The following LGSN variants were observed in gnomAD, a reference collection of about 807,000 sequenced individuals.
LGSN encodes the protein lengsin.
Under a neutral mutation model 19.5 loss-of-function variants are expected in LGSN, and 21 were observed. The ratio of observed to expected loss-of-function variants is 1.07; its 90% CI spans 0.76 to 1.55. The LOEUF is 1.55. Among genes scored for constraint, LGSN ranks in the 40% most tolerant of loss-of-function variants. The probability of loss-of-function intolerance (pLI) is 0.00; values close to 1 mark genes in which losing one functional copy is unlikely to be tolerated. For missense variants in LGSN, 673 were observed against 608.5 expected, an observed-to-expected ratio of 1.11 and a Z score of -1.12; for synonymous variants, 257 against 215.6, an observed-to-expected ratio of 1.19 and a Z score of -1.68.
chr6:63,290,050 T>G (rs1304964656), intron 2 of LGSN, among the ~76,000 whole-genome samples: 1 of 151,172 alleles, frequency 6.6e-6, no homozygotes. Flanking sequence ...GAAAGGGGGC[T>G]TTTCTTTGAA....
chr6:63,445,140 A>G, the LGSN span, among the ~76,000 whole-genome samples: 9 of 152,094 alleles, frequency 5.9e-5, no homozygotes, highest in South Asian at 2.1e-4. Flanking sequence ...GTGAAACTCC[A>G]TCTCTACAAA....
the LGSN span, among the ~76,000 whole-genome samples, chr6:63,393,470 C>T: frequency 2.0e-5 from 3 of 151,986 alleles, no homozygotes; most frequent in African/African-American, 4.8e-5. Context: ...TGAGCCACCG[C>T]GCCTGGCCCA....
At chr6:63,374,984 T>A in the LGSN span, among the ~76,000 whole-genome samples, 1 of 152,208 alleles carries the variant, frequency 6.6e-6, no homozygotes, top group South Asian at 2.1e-4. Context: ...GAAAACCTGA[T>A]CTTGGGAAGA....
the LGSN span, among the ~76,000 whole-genome samples, chr6:63,540,314 T>C: frequency 6.6e-6 from 1 of 152,100 alleles, no homozygotes; most frequent in Non-Finnish European, 1.5e-5. Flanking sequence ...TCCAGATGTG[T>C]ATAGAATCAT....
At chr6:63,334,725 G>A in the LGSN span, among the ~76,000 whole-genome samples, 2 of 152,192 alleles carry the variant, frequency 1.3e-5, no homozygotes, top group East Asian at 3.8e-4. Flanking sequence ...CAAGTGTATA[G>A]TAACCAAAAC....
the LGSN span, among the ~76,000 whole-genome samples, chr6:63,359,440 G>T: frequency 2.0e-5 from 3 of 152,078 alleles, no homozygotes; most frequent in South Asian, 4.1e-4. Flanking sequence ...CTGGTAGAAT[G>T]CATCTGTGAA....
chr6:63,291,324 G>C (rs1276966664), intron 2 of LGSN, among the ~76,000 whole-genome samples: 3 of 152,106 alleles, frequency 2.0e-5, no homozygotes, highest in Non-Finnish European at 4.4e-5. Flanking sequence ...CTCCTTGTCC[G>C]GAGTCCAGGA....
At chr6:63,510,818 C>T in the LGSN span, among the ~76,000 whole-genome samples, 14 of 151,708 alleles carry the variant, frequency 9.2e-5, no homozygotes, top group African/African-American at 3.4e-4. Context: ...GGACAACAGG[C>T]GCATGTCACC....
At chr6:63,491,440 A>ACC in the LGSN span, among the ~76,000 whole-genome samples, 1 of 36,576 alleles carries the variant, frequency 2.7e-5, no homozygotes, top group South Asian at 7.6e-4. Context: ...GCCAAATTCT[A>ACC]AAGGAGATCC....
the LGSN span, among the ~76,000 whole-genome samples, chr6:63,523,108 T>C: frequency 6.6e-6 from 1 of 151,784 alleles, no homozygotes; most frequent in East Asian, 1.9e-4. Flanking sequence ...TCAAGTGACC[T>C]GCCCACCTCA....
chr6:63,308,902 GA>G (rs1768512339), intron 1 of LGSN, among the ~76,000 whole-genome samples: 1 of 152,178 alleles, frequency 6.6e-6, no homozygotes, highest in East Asian at 1.9e-4. Context: ...AATATTTACA[GA>G]AGTGTTATTT....
At chr6:63,281,318 T>A (rs1276679055) in intron 3 of LGSN, 98 bp from the exon 4 acceptor site, 1 of 166,704 alleles carries the variant, frequency 6.0e-6, no homozygotes, top group African/African-American at 2.5e-5. Flanking sequence ...TATATATATA[T>A]ATATATATAT....
the LGSN span, among the ~76,000 whole-genome samples, chr6:63,408,115 T>C: frequency 2.0e-5 from 3 of 152,192 alleles, no homozygotes; most frequent in Non-Finnish European, 4.4e-5. Flanking sequence ...CAAGGTAATT[T>C]ATAGATTCAA....
chr6:63,485,152 C>G, the LGSN span, among the ~76,000 whole-genome samples: 5 of 151,948 alleles, frequency 3.3e-5, no homozygotes, highest in South Asian at 8.3e-4. Flanking sequence ...GCCTAGTATC[C>G]ATTAGTTATT....
At chr6:63,505,723 A>C in the LGSN span, among the ~76,000 whole-genome samples, 4 of 152,180 alleles carry the variant, frequency 2.6e-5, no homozygotes, top group African/African-American at 9.6e-5. Flanking sequence ...GCAATGGCAC[A>C]GTCTCGGCTC....
chr6:63,399,645 C>T, the LGSN span, among the ~76,000 whole-genome samples: 2 of 151,962 alleles, frequency 1.3e-5, no homozygotes, highest in African/African-American at 4.8e-5. Context: ...ATCCACCCGC[C>T]TCGGCCTCCC....
intron 1 of LGSN, 62 bp downstream of exon 1, chr6:63,319,852 T>A (rs950037668): frequency 8.3e-6 from 10 of 1,198,346 alleles, no homozygotes; most frequent in Non-Finnish European, 1.2e-5. Context: ...ATAATTGACA[T>A]TTTTTAAAAA....
chr6:63,410,214 C>T, the LGSN span, among the ~76,000 whole-genome samples: 2 of 152,102 alleles, frequency 1.3e-5, no homozygotes, highest in Non-Finnish European at 2.9e-5. Flanking sequence ...AGGTTTGACA[C>T]ATACAAAGTT....
chr6:63,393,054 T>A, the LGSN span, among the ~76,000 whole-genome samples: 7 of 151,316 alleles, frequency 4.6e-5, no homozygotes, highest in Non-Finnish European at 1.5e-5. Context: ...GCCCGGCTAA[T>A]TTTTTTGTAT....
Sources: allele counts gnomAD v4.1 joint callset (sites outside exome capture counted in the v4.1 genomes callset), GRCh38; gene constraint gnomAD v4.1.1; transcripts MANE v1.5; gene names NCBI Gene and HGNC (gene_info 2026-07-23, HGNC 2026-07-21).